The following PDE1C variants were observed in gnomAD, a reference collection of about 807,000 sequenced individuals.
The protein encoded by PDE1C is dual specificity calcium/calmodulin-dependent 3',5'-cyclic nucleotide phosphodiesterase 1C.
Under a neutral mutation model 93.1 loss-of-function variants are expected in PDE1C, and 62 were observed. The ratio of observed to expected loss-of-function variants is 0.67; its 90% CI spans 0.54 to 0.82. The LOEUF (loss-of-function observed/expected upper bound fraction) is 0.82. Ranked by LOEUF, PDE1C falls within the 40% of genes least tolerant of loss-of-function variation. The pLI is 0.00. For missense variants in PDE1C, 742 were observed against 884.6 expected (o/e 0.84, Z 2.04); for synonymous variants, 325 against 310.1 (o/e 1.05, Z -0.50).
rs764598441 is a variant in PDE1C, at chr7:31,861,500, C to T, written c.750+3442G>A. Among the ~76,000 whole-genome samples the T allele has an allele frequency of 7.2e-5, 11 of 152,136 alleles. 1 individual carries two copies. The highest frequency in any genetic ancestry group is 2.6e-4 in the Admixed American group (4 of 15,258). ...GGCCTCTGTAAATGGATGTCTACTA[C>T]GGATCTTAAACTCTACATGTCTAAA... On this transcript the variant is annotated intron_variant, in intron 7 of 17. Transcript: ENST00000396191.
intron 3 of PDE1C, among the ~76,000 whole-genome samples, chr7:32,101,750 C>T (rs1798048542): frequency 6.6e-6 from 1 of 152,122 alleles, no homozygotes; most frequent in African/African-American, 2.4e-5. Flanking sequence ...CTCTGGTATT[C>T]CTTTATAGTG....
chr7:32,149,906 T>C (rs1176095361), intron 3 of PDE1C, among the ~76,000 whole-genome samples: 1 of 152,062 alleles, frequency 6.6e-6, no homozygotes, highest in Non-Finnish European at 1.5e-5. Context: ...CCATTGTGGG[T>C]AATGAAGCAT....
At chr7:32,165,362 A>G (rs941941959) in intron 3 of PDE1C, among the ~76,000 whole-genome samples, 4 of 152,222 alleles carry the variant, frequency 2.6e-5, no homozygotes, top group African/African-American at 9.6e-5. Context: ...CCCCATTTCA[A>G]AGATTTTAAA....
intron 3 of PDE1C, among the ~76,000 whole-genome samples, chr7:32,167,233 C>G (rs190204671): frequency 1.4e-4 from 22 of 152,186 alleles, no homozygotes; most frequent in African/African-American, 5.3e-4. Flanking sequence ...ATACTAAATG[C>G]AAATATTAAA....
At chr7:31,775,557 G>A in intron 17 of PDE1C, 107 bp downstream of exon 17, 2 of 869,718 alleles carry the variant, frequency 2.3e-6, no homozygotes, top group Non-Finnish European at 1.9e-6. Context: ...TGAGTAGACT[G>A]GATAACTATG....
intron 2 of PDE1C, among the ~76,000 whole-genome samples, chr7:31,939,309 G>A (rs1435399617): frequency 6.6e-6 from 1 of 152,124 alleles, no homozygotes; most frequent in Non-Finnish European, 1.5e-5. Context: ...CAGTGTAACT[G>A]ACTTGGGTGA....
At chr7:31,886,154 T>G (rs1797849944) in intron 2 of PDE1C, among the ~76,000 whole-genome samples, 1 of 152,188 alleles carries the variant, frequency 6.6e-6, no homozygotes, top group African/African-American at 2.4e-5. Flanking sequence ...AAAAACTCAT[T>G]TGAATTAAAA....
chr7:31,630,335 A>G, the PDE1C span, among the ~76,000 whole-genome samples: 11 of 151,704 alleles, frequency 7.3e-5, no homozygotes, highest in African/African-American at 2.7e-4. Flanking sequence ...GTTTTACATT[A>G]TCTCCTTTAA....
At chr7:32,177,895 G>A (rs915633937) in intron 2 of PDE1C, among the ~76,000 whole-genome samples, 1 of 152,170 alleles carries the variant, frequency 6.6e-6, no homozygotes, top group Non-Finnish European at 1.5e-5. Context: ...ACCTGGGCTG[G>A]GTTCTACAGG....
At chr7:32,197,286 A>C (rs1276220885) in intron 2 of PDE1C, among the ~76,000 whole-genome samples, 3 of 152,200 alleles carry the variant, frequency 2.0e-5, no homozygotes, top group Admixed American at 2.0e-4. Context: ...AATTTATTTA[A>C]ATAACCATAC....
intron 1 of PDE1C, among the ~76,000 whole-genome samples, chr7:32,316,338 A>G (rs766039379): frequency 3.9e-5 from 6 of 152,236 alleles, no homozygotes; most frequent in Non-Finnish European, 7.3e-5. Context: ...CAACGATAGA[A>G]TAAACAAGAA....
intron 1 of PDE1C, among the ~76,000 whole-genome samples, chr7:32,253,705 A>T (rs1809561757): frequency 6.6e-6 from 1 of 152,200 alleles, no homozygotes. Flanking sequence ...CTAGATATGG[A>T]GGTTACAGAC....
chr7:31,662,365 AC>A, the PDE1C span, among the ~76,000 whole-genome samples: 1 of 152,198 alleles, frequency 6.6e-6, no homozygotes, highest in African/African-American at 2.4e-5. Context: ...GGAAGACTCT[AC>A]TCTCCACAGA....
intron 3 of PDE1C, among the ~76,000 whole-genome samples, chr7:32,126,952 C>T (rs561293447): frequency 9.4e-4 from 143 of 152,218 alleles, no homozygotes; most frequent in South Asian, 7.0e-3. Flanking sequence ...TCTGAGTATA[C>T]GTGTGAGAGT....
intron 1 of PDE1C, among the ~76,000 whole-genome samples, chr7:32,341,236 C>T (rs1653881): frequency 0.63 from 80,091 of 126,790 alleles, 28,586 homozygotes; most frequent in Non-Finnish European, 0.77. Context: ...AGTGCAGTGG[C>T]GCGATCTCGG....
the PDE1C span, among the ~76,000 whole-genome samples, chr7:31,709,608 T>C: frequency 6.6e-6 from 1 of 152,034 alleles, no homozygotes; most frequent in African/African-American, 2.4e-5. Context: ...GACCGGACTT[T>C]GTAATAGAGT....
At chr7:31,854,955 T>A (rs1401030869) in intron 7 of PDE1C, among the ~76,000 whole-genome samples, 1 of 150,734 alleles carries the variant, frequency 6.6e-6, no homozygotes, top group Non-Finnish European at 1.5e-5. Context: ...TAATCTCAGC[T>A]ACTCAGGAGG....
the PDE1C span, among the ~76,000 whole-genome samples, chr7:31,672,387 C>T: frequency 1.5e-4 from 23 of 152,234 alleles, no homozygotes; most frequent in Middle Eastern, 6.8e-3. Flanking sequence ...TAAAATATCA[C>T]CTCTCAATAT....
rs755982262 is a variant in PDE1C, at chr7:31,894,016, AAAG to A, written c.129-13159_129-13157del. On this transcript the variant is annotated intron_variant, in intron 2 of 17. Coordinates refer to ENST00000396191, the MANE Select transcript of PDE1C (RefSeq NM_001191057.4). Reference sequence around the variant, plus strand: ...TAATATATTCTATCATTGTGTGTAAAAAGAAGAATTCTTTTCCAATGAGCTTTA... The same window carrying A: ...TAATATATTCTATCATTGTGTGTAAAAAGAATTCTTTTCCAATGAGCTTTA... Among the ~76,000 whole-genome samples, 7 of 152,210 alleles carry A rather than the reference AAAG, an allele frequency of 4.6e-5. No homozygotes were observed. In the East Asian group the frequency reaches 7.7e-4, roughly 17 times the overall value.
Sources: gnomAD v4.1 joint callset for allele counts (sites outside exome capture counted in the v4.1 genomes callset) on GRCh38, gnomAD v4.1.1 for gene constraint, MANE v1.5 for transcripts, NCBI Gene and HGNC (gene_info 2026-07-23, HGNC 2026-07-21) for gene names.